Variants in FHIT observed in about 807,000 individuals in gnomAD.
FHIT encodes bis(5'-adenosyl)-triphosphatase.
FHIT carries 19 observed loss-of-function variants against 17.9 expected under a neutral mutation model. The observed-to-expected ratio is 1.06, with a 90% confidence interval of 0.74 to 1.56. The LOEUF is 1.56. FHIT is among the 40% of genes most tolerant of loss of function. FHIT has a pLI of 0.00. For synonymous variants in FHIT, 81 were observed against 69.7 expected, an observed-to-expected ratio of 1.16 and a Z score of -0.81; for missense variants, 248 against 189.2, an observed-to-expected ratio of 1.31 and a Z score of -1.82.
At chr3:60,146,053 G>A (rs1700224666) in intron 5 of FHIT, among the ~76,000 whole-genome samples, 1 of 152,118 alleles carries the variant, frequency 6.6e-6, no homozygotes, top group African/African-American at 2.4e-5. Context: ...ATAAAGGGAA[G>A]ATGTTTATCA....
At chr3:60,768,732 C>A (rs1461381888) in intron 4 of FHIT, among the ~76,000 whole-genome samples, 1 of 152,218 alleles carries the variant, frequency 6.6e-6, no homozygotes, top group African/African-American at 2.4e-5. Context: ...GGGGCCCTGG[C>A]AAGGCATACC....
At chr3:60,954,628 C>G (rs992873816) in intron 3 of FHIT, among the ~76,000 whole-genome samples, 94 of 152,272 alleles carry the variant, frequency 6.2e-4, no homozygotes, top group African/African-American at 2.1e-3. Flanking sequence ...AGAAGAGCAT[C>G]AACTGTGGTG....
At chr3:60,132,730 T>C (rs1699647053) in intron 5 of FHIT, among the ~76,000 whole-genome samples, 2 of 152,124 alleles carry the variant, frequency 1.3e-5, no homozygotes, top group Admixed American at 1.3e-4. Context: ...ACCTTTCTGC[T>C]GGCTTATTGT....
intron 8 of FHIT, among the ~76,000 whole-genome samples, chr3:59,855,792 T>A (rs1434933125): frequency 6.6e-6 from 1 of 151,862 alleles, no homozygotes; most frequent in African/African-American, 2.4e-5. Context: ...TTTTGTTTTT[T>A]TTTTTTGAGA....
intron 7 of FHIT, among the ~76,000 whole-genome samples, chr3:59,975,100 C>T (rs1708351589): frequency 6.6e-6 from 1 of 152,052 alleles, no homozygotes; most frequent in Admixed American, 6.6e-5. Flanking sequence ...AGATTTTTAT[C>T]AGTTTTATTC....
chr3:60,015,671 C>T (rs1700315720), intron 5 of FHIT, among the ~76,000 whole-genome samples: 1 of 152,134 alleles, frequency 6.6e-6, no homozygotes, highest in Admixed American at 6.5e-5. Context: ...AGGGTGACAA[C>T]CATGCAAGCT....
At chr3:60,918,154 G>A (rs7637834) in intron 3 of FHIT, among the ~76,000 whole-genome samples, 90,582 of 152,070 alleles carry the variant, frequency 0.6, 27,263 homozygotes, top group East Asian at 0.71. Flanking sequence ...GCCATGTAAG[G>A]CATGCCTTTC....
chr3:60,487,788 T>C (rs935974286), intron 5 of FHIT, among the ~76,000 whole-genome samples: 6 of 152,160 alleles, frequency 3.9e-5, no homozygotes, highest in Non-Finnish European at 5.9e-5. Context: ...GATGATGAAG[T>C]CTTTAATGCT....
chr3:60,879,154 G>T (rs988836590), intron 3 of FHIT, among the ~76,000 whole-genome samples: 4 of 152,284 alleles, frequency 2.6e-5, no homozygotes, highest in Non-Finnish European at 4.4e-5. Flanking sequence ...AGCACCTGTT[G>T]TTTCCTGACT....
At chr3:60,045,055 A>G (rs1701595404) in intron 5 of FHIT, among the ~76,000 whole-genome samples, 3 of 152,186 alleles carry the variant, frequency 2.0e-5, no homozygotes, top group Admixed American at 1.3e-4. Context: ...AAAAAAAGAA[A>G]GAAAGAAACA....
At chr3:60,899,753 G>A (rs1706010467) in intron 3 of FHIT, among the ~76,000 whole-genome samples, 1 of 152,070 alleles carries the variant, frequency 6.6e-6, no homozygotes, top group African/African-American at 2.4e-5. Flanking sequence ...CTTGGCTCAG[G>A]GATACATCTT....
intron 3 of FHIT, among the ~76,000 whole-genome samples, chr3:60,946,334 A>G (rs1708637743): frequency 6.6e-6 from 1 of 152,178 alleles, no homozygotes. Context: ...GCATTTGGGG[A>G]AAACAATTCT....
At chr3:60,043,790 A>T (rs1297772227) in intron 5 of FHIT, among the ~76,000 whole-genome samples, 2 of 152,184 alleles carry the variant, frequency 1.3e-5, no homozygotes, top group East Asian at 3.8e-4. Flanking sequence ...CAGTGACATA[A>T]CATATTAAGC....
chr3:60,840,726 C>A (rs1271775389), intron 3 of FHIT, among the ~76,000 whole-genome samples: 1 of 152,144 alleles, frequency 6.6e-6, no homozygotes, highest in Non-Finnish European at 1.5e-5. Flanking sequence ...AATTATGTGA[C>A]AAATTATATC....
At chr3:60,001,121 C>G (rs1699713838) in intron 7 of FHIT, among the ~76,000 whole-genome samples, 1 of 152,168 alleles carries the variant, frequency 6.6e-6, no homozygotes, top group South Asian at 2.1e-4. Context: ...TTTAGTCTTT[C>G]TAGTATTAAC....
At chr3:60,938,383 G>C (rs1192674417) in intron 3 of FHIT, among the ~76,000 whole-genome samples, 1 of 152,128 alleles carries the variant, frequency 6.6e-6, no homozygotes, top group Non-Finnish European at 1.5e-5. Flanking sequence ...CCTTGGCCTT[G>C]GTTTTCTCAA....
At chr3:60,119,078 T>C (rs1705126157) in intron 5 of FHIT, among the ~76,000 whole-genome samples, 1 of 151,956 alleles carries the variant, frequency 6.6e-6, no homozygotes, top group Non-Finnish European at 1.5e-5. Flanking sequence ...ATTTTTAATT[T>C]ATTTTTTATT....
chr3:59,802,634 T>A (rs1034291325), intron 8 of FHIT, among the ~76,000 whole-genome samples: 2 of 152,110 alleles, frequency 1.3e-5, no homozygotes, highest in Non-Finnish European at 2.9e-5. Flanking sequence ...CTGCCTTCCT[T>A]GACTCTCTTT....
At chr3:60,624,879 A>C (rs1473417251) in intron 4 of FHIT, among the ~76,000 whole-genome samples, 1 of 149,842 alleles carries the variant, frequency 6.7e-6, no homozygotes, top group Non-Finnish European at 1.5e-5. Flanking sequence ...TTGATAAGAT[A>C]TTTGGCTTGT....
Sources: gnomAD v4.1 joint callset for allele counts (sites outside exome capture counted in the v4.1 genomes callset) on GRCh38, gnomAD v4.1.1 for gene constraint, MANE v1.5 for transcripts, NCBI Gene and HGNC (gene_info 2026-07-23, HGNC 2026-07-21) for gene names.